The following ESRRG variants were observed in gnomAD, a reference collection of about 807,000 sequenced individuals.
ESRRG encodes estrogen related receptor gamma.
ESRRG carries 13 observed loss-of-function variants against 44.0 expected under a neutral mutation model. That is an observed-to-expected ratio of 0.30 (90% CI 0.19 to 0.47). The LOEUF (loss-of-function observed/expected upper bound fraction) is 0.47, where lower values mean the gene tolerates loss of function less well. Among genes scored for constraint, ESRRG ranks in the 20% least tolerant of loss-of-function variants. ESRRG has a pLI of 1.00. For synonymous variants in ESRRG, 215 were observed against 214.6 expected, an observed-to-expected ratio of 1.00 and a Z score of -0.02; for missense variants, 395 against 580.6, an observed-to-expected ratio of 0.68 and a Z score of 3.29.
chr1:216,546,652 G>T (rs543311392), intron 5 of ESRRG, among the ~76,000 whole-genome samples: 73 of 151,724 alleles, frequency 4.8e-4, no homozygotes, highest in Middle Eastern at 6.8e-3. Context: ...TCTACATTTT[G>T]TCAGCCTAAG....
At chr1:216,673,185 T>C (rs866944551) in intron 2 of ESRRG, among the ~76,000 whole-genome samples, 2 of 152,192 alleles carry the variant, frequency 1.3e-5, no homozygotes, top group African/African-American at 4.8e-5. Flanking sequence ...AGCTTCAGCA[T>C]TGGAATAAGA....
chr1:217,029,301 C>A (rs547014065), intron 1 of ESRRG, among the ~76,000 whole-genome samples: 1 of 152,204 alleles, frequency 6.6e-6, no homozygotes, highest in East Asian at 1.9e-4. Flanking sequence ...TTAAAGTAGT[C>A]CATGAAAAAT....
intron 1 of ESRRG, among the ~76,000 whole-genome samples, chr1:216,971,742 G>T (rs573201408): frequency 2.0e-4 from 30 of 152,276 alleles, no homozygotes; most frequent in Admixed American, 5.2e-4. Context: ...GAACTAAATT[G>T]ATTTCTCCCC....
chr1:216,973,741 G>C (rs532569214), intron 1 of ESRRG, among the ~76,000 whole-genome samples: 1 of 151,608 alleles, frequency 6.6e-6, no homozygotes, highest in South Asian at 2.1e-4. Flanking sequence ...CGCAAGAATT[G>C]CTTGAACCTG....
intron 3 of ESRRG, among the ~76,000 whole-genome samples, chr1:216,611,880 G>A (rs1347157195): frequency 6.6e-6 from 1 of 152,194 alleles, no homozygotes; most frequent in Non-Finnish European, 1.5e-5. Flanking sequence ...AGGGTGAGAA[G>A]AGCATTCCAG....
chr1:217,010,837 G>A (rs1033350594), intron 1 of ESRRG, among the ~76,000 whole-genome samples: 2 of 152,098 alleles, frequency 1.3e-5, no homozygotes, highest in African/African-American at 4.8e-5. Context: ...GTGTAGACCA[G>A]GAAGCTAACG....
intron 2 of ESRRG, among the ~76,000 whole-genome samples, chr1:216,786,535 C>T (rs181612131): frequency 1.3e-4 from 20 of 152,154 alleles, no homozygotes; most frequent in Admixed American, 9.8e-4. Flanking sequence ...GTAAAACTAA[C>T]AGAAACACAT....
intron 1 of ESRRG, among the ~76,000 whole-genome samples, chr1:216,948,844 C>A (rs1021377723): frequency 6.6e-6 from 1 of 152,146 alleles, no homozygotes; most frequent in Admixed American, 6.5e-5. Context: ...TGAAAAACCA[C>A]TGGATTTCAT....
At chr1:216,854,053 CT>C (rs1348508517) in intron 2 of ESRRG, among the ~76,000 whole-genome samples, 2 of 152,078 alleles carry the variant, frequency 1.3e-5, no homozygotes, top group African/African-American at 4.8e-5. Flanking sequence ...GCTTCTGCAG[CT>C]GCCACAAAAG....
intron 6 of ESRRG, among the ~76,000 whole-genome samples, chr1:216,516,126 T>C (rs2044189796): frequency 6.6e-6 from 1 of 152,050 alleles, no homozygotes; most frequent in Non-Finnish European, 1.5e-5. Context: ...CAGAGATATA[T>C]CAGAGATGTA....
intron 2 of ESRRG, among the ~76,000 whole-genome samples, chr1:216,895,541 G>A (rs1219778550): frequency 6.6e-6 from 1 of 152,168 alleles, no homozygotes; most frequent in African/African-American, 2.4e-5. Context: ...ATTTTCCTCT[G>A]AAGGATACAA....
intron 2 of ESRRG, among the ~76,000 whole-genome samples, chr1:216,937,489 C>T (rs1206731786): frequency 2.0e-5 from 3 of 152,126 alleles, no homozygotes; most frequent in African/African-American, 7.2e-5. Context: ...TGAATAAATG[C>T]GGGGAGTATT....
chr1:216,942,586 A>AT (rs1013110466), intron 1 of ESRRG, among the ~76,000 whole-genome samples: 2 of 151,986 alleles, frequency 1.3e-5, no homozygotes, highest in African/African-American at 4.8e-5. Flanking sequence ...TTATTTTTTC[A>AT]TTTTTAATAA....
At chr1:217,007,991 C>A (rs1280970656) in intron 1 of ESRRG, among the ~76,000 whole-genome samples, 1 of 152,186 alleles carries the variant, frequency 6.6e-6, no homozygotes, top group African/African-American at 2.4e-5. Context: ...AGATCTTCTG[C>A]ACAGTGTGTC....
chr1:216,679,372 G>A (rs762971564), intron 1 of ESRRG, among the ~76,000 whole-genome samples: 12 of 152,114 alleles, frequency 7.9e-5, no homozygotes, highest in Non-Finnish European at 1.2e-4. Context: ...GAAAGAAAGC[G>A]GGTCGGCACT....
At chr1:216,769,387 T>C (rs1313878977) in intron 2 of ESRRG, among the ~76,000 whole-genome samples, 1 of 152,068 alleles carries the variant, frequency 6.6e-6, no homozygotes, top group Non-Finnish European at 1.5e-5. Flanking sequence ...TGAAGAGAAC[T>C]GAAAGAGTAA....
At position 216,696,434 on chromosome 1, in the gene ESRRG, T is replaced by C. The variant is rs1008125085; in HGVS notation, c.57-18943A>G. On this transcript the variant is annotated intron_variant, in intron 1 of 6. Coordinates refer to ENST00000408911, the MANE Select transcript of ESRRG (RefSeq NM_001438.4). ...ACAACTGTATACTCAGTAAGTGCCA[T>C]GATGTACCTGTCTTGACTATTTGAC... Among the ~76,000 whole-genome samples, 10 of 152,194 alleles carry C rather than the reference T, an allele frequency of 6.6e-5. No homozygotes were observed. The East Asian group carries it at 1.7e-3, about 26-fold the overall frequency.
chr1:216,875,956 G>C (rs2149263854), intron 2 of ESRRG, among the ~76,000 whole-genome samples: 1 of 152,228 alleles, frequency 6.6e-6, no homozygotes, highest in Admixed American at 6.5e-5. Flanking sequence ...TCATCATCTA[G>C]AATGGATATC....
chr1:217,011,506 T>C (rs2078608280), intron 1 of ESRRG, among the ~76,000 whole-genome samples: 1 of 152,218 alleles, frequency 6.6e-6, no homozygotes, highest in Admixed American at 6.5e-5. Flanking sequence ...CCGCTTCCTC[T>C]ACACATTAGC....
Sources: gnomAD v4.1 joint callset for allele counts (sites outside exome capture counted in the v4.1 genomes callset) on GRCh38, gnomAD v4.1.1 for gene constraint, MANE v1.5 for transcripts, NCBI Gene and HGNC (gene_info 2026-07-23, HGNC 2026-07-21) for gene names.